The following AKNAD1 variants were observed in gnomAD, a reference collection of about 807,000 sequenced individuals.
AKNAD1 encodes protein AKNAD1.
A neutral mutation model predicts 90.8 loss-of-function variants in AKNAD1; 67 were observed. That is an observed-to-expected ratio of 0.74 (90% CI 0.61 to 0.90). The LOEUF (loss-of-function observed/expected upper bound fraction) is 0.90, where lower values mean the gene tolerates loss of function less well. Ranked by LOEUF, AKNAD1 falls within the 40% of genes least tolerant of loss-of-function variation. The pLI is 0.00. For missense variants in AKNAD1, 957 were observed against 975.4 expected (o/e 0.98, Z 0.25); for synonymous variants, 327 against 341.4 (o/e 0.96, Z 0.46).
intron 10 of AKNAD1, 126 bp downstream of exon 10, chr1:108,830,433 G>A (rs1418010360): frequency 2.4e-6 from 2 of 840,656 alleles, no homozygotes; most frequent in African/African-American, 1.7e-5. Flanking sequence ...CTGTGCCCAG[G>A]CCTGAGATCT....
At chr1:108,826,736 CTTTTTCT>C (rs1640176936) in intron 11 of AKNAD1, among the ~76,000 whole-genome samples, 1 of 114,796 alleles carries the variant, frequency 8.7e-6, no homozygotes, top group African/African-American at 3.8e-5. Context: ...CTTTTCTTTT[CTTTTTCT>C]TTTTTTTTTT....
At chr1:108,827,390 T>G in intron 10 of AKNAD1, 88 bp from the exon 11 acceptor site, 1 of 992,038 alleles carries the variant, frequency 1.0e-6, no homozygotes, top group South Asian at 1.3e-5. Flanking sequence ...CGTTAAATTT[T>G]GTTATATTAG....
intron 14 of AKNAD1, among the ~76,000 whole-genome samples, chr1:108,819,586 T>C (rs1021507377): frequency 5.3e-5 from 8 of 151,222 alleles, no homozygotes; most frequent in Non-Finnish European, 1.2e-4. Context: ...CACTCCAGCC[T>C]GGGCAACAAA....
chr1:108,853,059 G>A (rs1664918750), intron 1 of AKNAD1, among the ~76,000 whole-genome samples: 1 of 151,896 alleles, frequency 6.6e-6, no homozygotes, highest in Non-Finnish European at 1.5e-5. Context: ...ACCTCCCTTA[G>A]GAGATAGTAT....
intron 1 of AKNAD1, among the ~76,000 whole-genome samples, chr1:108,855,116 T>C (rs1468042272): frequency 2.0e-5 from 3 of 152,144 alleles, no homozygotes; most frequent in Non-Finnish European, 4.4e-5. Flanking sequence ...GAATTGCATA[T>C]GTAAAACATA....
rs1050622594 is a variant in AKNAD1 at position 108,849,584 on chromosome 1, A to G, written c.994-8T>C. 3.1e-6 allele frequency: 5 copies of G among 1,590,302 alleles called. No homozygotes were observed. The highest frequency in any genetic ancestry group is 3.3e-5 in the Admixed American group (2 of 59,950). ...ATGTACTATGGGCTCCATCTGCACA[A>G]TTAAAGGGTAAGAAAACGTTACTGT... On this transcript the variant is annotated splice_polypyrimidine_tract_variant and splice_region_variant and intron_variant, in intron 2 of 15. Coordinates refer to ENST00000370001, the MANE Select transcript of AKNAD1 (RefSeq NM_152763.5).
At chr1:108,840,411 G>T (rs1205664031) in intron 6 of AKNAD1, among the ~76,000 whole-genome samples, 1 of 152,074 alleles carries the variant, frequency 6.6e-6, no homozygotes, top group East Asian at 1.9e-4. Flanking sequence ...TGAAGAAAAC[G>T]TGATGGGAAT....
intron 14 of AKNAD1, among the ~76,000 whole-genome samples, chr1:108,818,547 C>T (rs1663702761): frequency 1.3e-5 from 2 of 152,136 alleles, no homozygotes; most frequent in Admixed American, 1.3e-4. Context: ...ATTCTAAGTG[C>T]TTTATATGTA....
At position 108,843,234 on chromosome 1, in the gene AKNAD1, G is replaced by A. The variant is rs769828763; in HGVS notation, c.1279C>T (p.Leu427=). ...TTGGTGGCCAGAAAGTTCTGCTCCA[G>A]CAGTTCAAGGTGTCCCTGCAGTTTC... The part of the protein sequence containing the change: ...LEKLQGHLEL[L]EQNFLATKDK... Residue 427 remains leucine, a synonymous_variant, in exon 6 of 16, where the codon CTG becomes TTG. Transcript: ENST00000370001. 3.7e-6 allele frequency: 6 copies of A among 1,614,172 alleles called. No individual in the cohort carries two copies. The highest frequency in any genetic ancestry group is 1.1e-5 in the South Asian group (1 of 91,068).
intron 6 of AKNAD1, among the ~76,000 whole-genome samples, chr1:108,838,706 A>G (rs964673269): frequency 6.6e-6 from 1 of 152,170 alleles, no homozygotes; most frequent in African/African-American, 2.4e-5. Flanking sequence ...AAAAACAAAT[A>G]ACATTAAGAA....
chr1:108,840,908 T>C (rs1050448774), intron 6 of AKNAD1, among the ~76,000 whole-genome samples: 12 of 152,134 alleles, frequency 7.9e-5, no homozygotes, highest in African/African-American at 2.4e-4. Flanking sequence ...CGGTGGCTCA[T>C]GCCTGTAATC....
At chr1:108,819,405 G>A (rs1437169039) in intron 14 of AKNAD1, among the ~76,000 whole-genome samples, 1 of 151,260 alleles carries the variant, frequency 6.6e-6, no homozygotes, top group East Asian at 1.9e-4. Flanking sequence ...GATTGCTGAG[G>A]CTAGGAGTTC....
At chr1:108,822,988 TACATGCTG>T (rs1473401073) in intron 13 of AKNAD1, 1 of 572,334 alleles carries the variant, frequency 1.7e-6, no homozygotes, top group African/African-American at 1.9e-5. Flanking sequence ...TCTACTTCTC[TACATGCTG>T]ACTCTTAGTA....
rs756828739 is a variant in AKNAD1, at chr1:108,852,018, G to C, written c.647C>G (p.Thr216Ser). The change falls in exon 2 of 16, where the codon ACT becomes AGT. Residue 216 changes from threonine to serine, a missense_variant. Thr to Ser is a moderately conservative substitution (Grantham distance 58). Coordinates refer to ENST00000370001, the MANE Select transcript of AKNAD1 (RefSeq NM_152763.5). The part of the protein sequence containing the change: ...SSHQENVNVL[T>S]KTKGPGDKQK... ...TTTATCACCTGGACCCTTGGTTTTA[G>C]TTAGAACATTCACATTTTCTTGATG... 8 of 1,614,064 alleles carry C rather than the reference G, an allele frequency of 5.0e-6. 1 individual carries two copies. The highest frequency in any genetic ancestry group is 3.3e-5 in the South Asian group (3 of 91,074).
In AKNAD1 at chr1:108,848,922, A is replaced by T. The variant is rs780042523; in HGVS notation, c.1172T>A (p.Leu391Gln). The T allele has an allele frequency of 6.2e-7, 1 of 1,602,374 alleles. No homozygotes were observed. Among genetic ancestry groups the T allele is most frequent in the South Asian group, 1.1e-5 (1 of 87,920 alleles). ...CQKLKEQTDQ[L>Q]KTKVQEFSKR... ...CTTTAAAAGTATTACTTTAGTCTTC[A>T]GTTGATCAGTCTGTTCTTTCAACTT... is the stretch of plus-strand genomic sequence containing the variant. The change falls in exon 4 of 16, where the codon CTG (leucine) becomes CAG (glutamine). Residue 391 changes from leucine to glutamine, a missense_variant. Physicochemically the swap from Leu to Gln is moderately radical, Grantham distance 113 (BLOSUM62 -2). Coordinates refer to ENST00000370001, the MANE Select transcript of AKNAD1 (RefSeq NM_152763.5).
chr1:108,831,934 C>T (rs1049604089), intron 9 of AKNAD1, among the ~76,000 whole-genome samples: 2 of 152,014 alleles, frequency 1.3e-5, no homozygotes, highest in African/African-American at 2.4e-5. Context: ...CCACTGCGCC[C>T]GGCCTTACTT....
Position 108,852,012 on chromosome 1 carries a change from GT to G in AKNAD1, c.652del (p.Thr218ProfsTer51). On this transcript the variant is annotated frameshift_variant, in exon 2 of 16. Transcript: ENST00000370001. LOFTEE classifies it high-confidence loss of function. ...HQENVNVLTK[T>X]KGPGDKQKSY... ...TTTTTGTTTATCACCTGGACCCTTG[GT>G]TTTAGTTAGAACATTCACATTTTCT... is the stretch of plus-strand genomic sequence containing the variant. 1.9e-6 allele frequency: 3 copies of G among 1,614,038 alleles called. No homozygotes were observed. The highest frequency in any genetic ancestry group is 2.5e-6 in the Non-Finnish European group (3 of 1,180,002).
Position 108,823,627 on chromosome 1 carries a change from A to T in AKNAD1, c.1998T>A (p.Cys666Ter), listed in dbSNP as rs1312358712. 6.2e-7 allele frequency: 1 copy of T among 1,614,144 alleles called. No individual in the cohort carries two copies. Among genetic ancestry groups the T allele is most frequent in the Non-Finnish European group, 8.5e-7 (1 of 1,180,022 alleles). ...TAGGAATCTTAGTGCCACAGTCCTG[A>T]CATTTGTTACTCTGCATTTCAGTGC... ...DSGTEMQSNKCQDCGTKIPTS... is the reference protein window; with the variant it reads ...DSGTEMQSNK Residue 666 changes from cysteine to a stop codon, truncating the protein, a stop_gained, in exon 12 of 16, where the codon TGT (cysteine) becomes TGA (stop). Transcript: ENST00000370001. LOFTEE classifies it high-confidence loss of function.
In AKNAD1 at chr1:108,816,240, A is replaced by G. The variant is rs1325659918; in HGVS notation, c.2442T>C (p.Asp814=). Residue 814 remains aspartate, a synonymous_variant, in exon 16 of 16, where the codon GAT becomes GAC. Transcript: ENST00000370001. The part of the protein sequence containing the change: ...RTATILKETT[D]QMIKTIAEDL... The stretch of plus-strand genomic sequence containing the variant: ...CTTCTGCAATCGTTTTAATCATTTG[A>G]TCTGTAGTTTCTTTCAAAATGGTTG... 1 of 1,613,760 alleles carries G rather than the reference A, an allele frequency of 6.2e-7. No individual in the cohort carries two copies. Among genetic ancestry groups the G allele is most frequent in the Non-Finnish European group, 8.5e-7 (1 of 1,179,872 alleles).
Sources: gnomAD v4.1 joint callset for allele counts (sites outside exome capture counted in the v4.1 genomes callset) on GRCh38, gnomAD v4.1.1 for gene constraint, MANE v1.5 for transcripts, NCBI Gene and HGNC (gene_info 2026-07-23, HGNC 2026-07-21) for gene names.